Variants in TAOK3 observed in about 807,000 individuals in gnomAD.
TAOK3 encodes the protein TAO kinase 3.
TAOK3 carries 40 observed loss-of-function variants against 120.4 expected under a neutral mutation model. The observed-to-expected ratio is 0.33, with a 90% confidence interval of 0.26 to 0.43. TAOK3 has a LOEUF of 0.43. TAOK3 is among the 20% of genes least tolerant of loss of function. The pLI, the probability that TAOK3 is intolerant of heterozygous loss-of-function variation, is 1.00. For missense variants in TAOK3, 821 were observed against 1,112.1 expected (o/e 0.74, Z 3.72); for synonymous variants, 355 against 387.5 (o/e 0.92, Z 0.99).
At chr12:118,179,659 T>C (rs2036571017) in intron 15 of TAOK3, among the ~76,000 whole-genome samples, 1 of 151,700 alleles carries the variant, frequency 6.6e-6, no homozygotes, top group Non-Finnish European at 1.5e-5. Context: ...TTTTTTTTTT[T>C]TTCAGTCGGA....
At chr12:118,225,640 A>G (rs2039465412) in intron 9 of TAOK3, among the ~76,000 whole-genome samples, 1 of 152,208 alleles carries the variant, frequency 6.6e-6, no homozygotes, top group African/African-American at 2.4e-5. Flanking sequence ...AAGGTGTACT[A>G]CCGTTAAATA....
At chr12:118,252,013 G>A (rs1039031171) in intron 3 of TAOK3, among the ~76,000 whole-genome samples, 2 of 151,998 alleles carry the variant, frequency 1.3e-5, no homozygotes, top group Non-Finnish European at 2.9e-5. Flanking sequence ...AGTAGAGATG[G>A]GGTTTCACCA....
At chr12:118,356,252 T>A (rs1001432688) in intron 1 of TAOK3, among the ~76,000 whole-genome samples, 12 of 151,848 alleles carry the variant, frequency 7.9e-5, no homozygotes, top group African/African-American at 2.7e-4. Flanking sequence ...TACTATTTGA[T>A]GGTATTGACA....
At position 118,155,516 on chromosome 12, in the gene TAOK3, G is replaced by T. The variant is rs560849127; in HGVS notation, c.2353-3107C>A. On this transcript the variant is annotated intron_variant, in intron 19 of 20. Transcript: ENST00000392533. Reference sequence around the variant, plus strand: ...TCAGTTTCCTCACAGGTAAATTAGGGTCAAAACAGTAACTACTTCAAAGGG... The same window carrying T: ...TCAGTTTCCTCACAGGTAAATTAGGTTCAAAACAGTAACTACTTCAAAGGG... Among the ~76,000 whole-genome samples, 47 of 152,244 alleles carry T rather than the reference G, an allele frequency of 3.1e-4. 1 individual carries two copies. The South Asian group carries it at 9.6e-3, about 31-fold the overall frequency.
chr12:118,228,377 C>A (rs1203782672), intron 9 of TAOK3, among the ~76,000 whole-genome samples: 1 of 152,072 alleles, frequency 6.6e-6, no homozygotes, highest in Non-Finnish European at 1.5e-5. Context: ...GTCTCAAACT[C>A]CTGACCTCAG....
chr12:118,218,218 G>C (rs1213513757), intron 9 of TAOK3, among the ~76,000 whole-genome samples: 6 of 152,056 alleles, frequency 3.9e-5, no homozygotes, highest in Non-Finnish European at 8.8e-5. Context: ...AAATTTGGAA[G>C]TTGCTGTGTG....
rs536165397 is a variant in TAOK3, at chr12:118,205,734, C to T, written c.820-4271G>A. ...CAAGTGATTCTTGTGCCTCAGCCTC[C>T]CCAGTAGCTGGGATTACAGGCGTGC... On this transcript the variant is annotated intron_variant, in intron 11 of 20. Transcript: ENST00000392533. Among the ~76,000 whole-genome samples the T allele has an allele frequency of 1.2e-4, 19 of 152,242 alleles. No homozygotes were observed. The South Asian group carries it at 3.7e-3, about 30-fold the overall frequency.
chr12:118,201,843 A>G (rs2038038642), intron 11 of TAOK3, among the ~76,000 whole-genome samples: 1 of 152,196 alleles, frequency 6.6e-6, no homozygotes, highest in Non-Finnish European at 1.5e-5. Flanking sequence ...CTTTAGTCTT[A>G]GCAAATTTCC....
chr12:118,270,311 T>TAG (rs1300109375), intron 1 of TAOK3, among the ~76,000 whole-genome samples: 1 of 152,198 alleles, frequency 6.6e-6, no homozygotes, highest in Non-Finnish European at 1.5e-5. Context: ...CTTTTCCTCT[T>TAG]ACAGCCTCTA....
intron 1 of TAOK3, among the ~76,000 whole-genome samples, chr12:118,368,716 G>C (rs2045813210): frequency 6.6e-6 from 1 of 150,538 alleles, no homozygotes; most frequent in Non-Finnish European, 1.5e-5. Context: ...TGAGGCAGGA[G>C]AATCGCTGGA....
At chr12:118,338,908 G>A (rs190461284) in intron 1 of TAOK3, among the ~76,000 whole-genome samples, 12 of 151,610 alleles carry the variant, frequency 7.9e-5, no homozygotes, top group Non-Finnish European at 1.2e-4. Flanking sequence ...CAAGATAGGA[G>A]ATGGGAAGTG....
chr12:118,180,030 C>A (rs1185511882), intron 15 of TAOK3, among the ~76,000 whole-genome samples: 1 of 150,934 alleles, frequency 6.6e-6, no homozygotes, highest in Non-Finnish European at 1.5e-5. Context: ...TCACTGCAAC[C>A]TCTGCCTCCC....
intron 16 of TAOK3, among the ~76,000 whole-genome samples, chr12:118,176,667 T>G (rs1281411118): frequency 6.6e-6 from 1 of 152,074 alleles, no homozygotes; most frequent in Non-Finnish European, 1.5e-5. Context: ...GATAGATTTT[T>G]AAAATCTGAA....
intron 1 of TAOK3, among the ~76,000 whole-genome samples, chr12:118,313,026 T>C (rs763422175): frequency 2.6e-5 from 4 of 151,994 alleles, no homozygotes; most frequent in Non-Finnish European, 4.4e-5. Flanking sequence ...TCCCTAACAC[T>C]AAAGACGGAA....
chr12:118,223,998 T>C (rs897320334), intron 9 of TAOK3, among the ~76,000 whole-genome samples: 1 of 152,194 alleles, frequency 6.6e-6, no homozygotes, highest in African/African-American at 2.4e-5. Flanking sequence ...GATAACAAAA[T>C]AATCGCTACC....
chr12:118,240,250 G>A (rs1305542744), intron 5 of TAOK3, among the ~76,000 whole-genome samples: 6 of 150,772 alleles, frequency 4.0e-5, no homozygotes, highest in Admixed American at 3.3e-4. Flanking sequence ...CACGATCTTG[G>A]CTCACTGCAA....
At chr12:118,274,819 G>T in intron 1 of TAOK3, among the ~76,000 whole-genome samples, 1 of 149,818 alleles carries the variant, frequency 6.7e-6, no homozygotes, top group Non-Finnish European at 1.5e-5. Context: ...TTTTAGTAGA[G>T]ACAGGGTTTC....
chr12:118,164,167 C>CA (rs924903211), intron 17 of TAOK3, among the ~76,000 whole-genome samples: 45 of 145,876 alleles, frequency 3.1e-4, no homozygotes, highest in South Asian at 8.8e-4. Context: ...CTTAAAAATA[C>CA]AAAAAAAAAA....
At chr12:118,158,935 T>G (rs1371647300) in intron 19 of TAOK3, among the ~76,000 whole-genome samples, 4 of 152,238 alleles carry the variant, frequency 2.6e-5, no homozygotes, top group Non-Finnish European at 5.9e-5. Context: ...TTGCATATAC[T>G]GTATCCTCTG....
Sources: gnomAD v4.1 joint callset for allele counts (sites outside exome capture counted in the v4.1 genomes callset) on GRCh38, gnomAD v4.1.1 for gene constraint, MANE v1.5 for transcripts, NCBI Gene and HGNC (gene_info 2026-07-23, HGNC 2026-07-21) for gene names.